Variants in ETV1 observed in about 807,000 individuals in gnomAD.
The protein encoded by ETV1 is ETS variant transcription factor 1.
In ETV1, 27 loss-of-function variants were observed where a neutral mutation model predicts 62.3. The ratio of observed to expected loss-of-function variants is 0.43; its 90% CI spans 0.32 to 0.60. The LOEUF (loss-of-function observed/expected upper bound fraction) is 0.60, where lower values mean the gene tolerates loss of function less well. Ranked by LOEUF, ETV1 falls within the 20% of genes least tolerant of loss-of-function variation. The pLI is 0.06. For synonymous variants in ETV1, 222 were observed against 199.6 expected (o/e 1.11, Z -0.94); for missense variants, 605 against 605.8 (o/e 1.00, Z 0.01).
intron 9 of ETV1, among the ~76,000 whole-genome samples, chr7:13,929,204 G>T (rs193172153): frequency 6.6e-6 from 1 of 152,010 alleles, no homozygotes. Context: ...TGTATTGCAG[G>T]GTTCTTAATT....
chr7:13,988,899 A>G, intron 3 of ETV1, 109 bp downstream of exon 3: 1 of 1,526,178 alleles, frequency 6.6e-7, no homozygotes, highest in South Asian at 1.2e-5. Flanking sequence ...CAAAGCAGAT[A>G]AGTATCTGCA....
At chr7:13,934,756 C>G (rs76653357) in intron 8 of ETV1, among the ~76,000 whole-genome samples, 8,332 of 152,228 alleles carry the variant, frequency 0.055, 683 homozygotes, top group African/African-American at 0.18. Flanking sequence ...CTACATTACG[C>G]TGTGCTATTG....
intron 12 of ETV1, 49 bp downstream of exon 12, chr7:13,906,381 T>C: frequency 8.0e-7 from 1 of 1,247,884 alleles, no homozygotes; most frequent in Non-Finnish European, 1.1e-6. Context: ...GTCAGTTTCT[T>C]TATGTTATAA....
intron 6 of ETV1, among the ~76,000 whole-genome samples, chr7:13,957,416 C>T (rs991953978): frequency 2.0e-5 from 3 of 152,118 alleles, no homozygotes; most frequent in African/African-American, 7.2e-5. Context: ...ATGGTGGCAT[C>T]AAGCCCATTT....
At chr7:13,928,784 C>T (rs997860599) in intron 9 of ETV1, among the ~76,000 whole-genome samples, 62 of 152,024 alleles carry the variant, frequency 4.1e-4, no homozygotes, top group African/African-American at 1.2e-4. Flanking sequence ...ATGGTGAAAC[C>T]CCGTCTCTAC....
chr7:13,917,022 G>A (rs1482129029), intron 9 of ETV1, among the ~76,000 whole-genome samples: 1 of 151,738 alleles, frequency 6.6e-6, no homozygotes, highest in African/African-American at 2.4e-5. Flanking sequence ...CTGAATTTAC[G>A]TGCTTTTGAA....
intron 11 of ETV1, chr7:13,907,754 T>G (rs1476824957): frequency 2.2e-6 from 1 of 460,288 alleles, no homozygotes; most frequent in African/African-American, 2.0e-5. Context: ...TAAGTGTGCA[T>G]TATAAAATAG....
At chr7:13,934,542 G>C (rs1786565510) in intron 8 of ETV1, among the ~76,000 whole-genome samples, 1 of 152,136 alleles carries the variant, frequency 6.6e-6, no homozygotes, top group African/African-American at 2.4e-5. Flanking sequence ...CTGACTTATT[G>C]TCAAACTTGC....
At chr7:13,980,773 C>G (rs912479236) in intron 5 of ETV1, among the ~76,000 whole-genome samples, 6 of 152,002 alleles carry the variant, frequency 3.9e-5, no homozygotes, top group Non-Finnish European at 7.4e-5. Context: ...GATTATTATC[C>G]AAAGTTGTTT....
At chr7:13,921,348 T>G (rs6957019) in intron 9 of ETV1, among the ~76,000 whole-genome samples, 25,744 of 152,180 alleles carry the variant, frequency 0.17, 2,771 homozygotes, top group African/African-American at 0.31. Context: ...AGAGTTTTTA[T>G]GGAGAGGAAG....
chr7:13,980,950 T>A (rs1034374098), intron 5 of ETV1, among the ~76,000 whole-genome samples: 1 of 146,482 alleles, frequency 6.8e-6, no homozygotes, highest in Non-Finnish European at 1.5e-5. Flanking sequence ...AAATATAGCT[T>A]GCCTTTATGT....
intron 8 of ETV1, among the ~76,000 whole-genome samples, chr7:13,932,446 C>T (rs1786297583): frequency 6.6e-6 from 1 of 152,108 alleles, no homozygotes; most frequent in African/African-American, 2.4e-5. Flanking sequence ...AATACAGTAT[C>T]AGGTTGATAA....
chr7:13,915,599 G>T (rs530358263), intron 9 of ETV1, among the ~76,000 whole-genome samples: 2 of 152,244 alleles, frequency 1.3e-5, no homozygotes, highest in East Asian at 3.9e-4. Context: ...AGGATGCATA[G>T]ATTACCTGAG....
rs1781708429 is a variant in ETV1 at position 13,895,761 on chromosome 7, A to AAAATAAAATACAAACAACAG, written c.*85_*104dup. ...GCCCCTTTTTGTGTATTATTATTTAAAAATAAAATACAAACAACAGAAATA... is the reference window on the plus strand; with the variant it reads ...GCCCCTTTTTGTGTATTATTATTTAAAAATAAAATACAAACAACAGAAATAAAATACAAACAACAGAAATA... On this transcript the variant is annotated 3_prime_UTR_variant, in exon 14 of 14. Coordinates refer to ENST00000430479, the MANE Select transcript of ETV1 (RefSeq NM_004956.5). 2 of 808,444 alleles carry AAAATAAAATACAAACAACAG rather than the reference A, an allele frequency of 2.5e-6. No individual in the cohort carries two copies. The highest frequency in any genetic ancestry group is 4.0e-6 in the Non-Finnish European group (2 of 503,616). The allele number at this position is 808,444 out of a possible 1,614,324, so 50.1% of individuals were successfully genotyped here.
chr7:13,937,212 T>C (rs997393296), intron 7 of ETV1, among the ~76,000 whole-genome samples: 6 of 152,252 alleles, frequency 3.9e-5, no homozygotes, highest in Admixed American at 3.9e-4. Context: ...AAGGAATATA[T>C]GCTGCACAAG....
intron 12 of ETV1, 136 bp from the exon 13 acceptor site, chr7:13,900,975 C>T (rs946073211): frequency 2.5e-5 from 13 of 511,886 alleles, no homozygotes; most frequent in African/African-American, 4.0e-5. Flanking sequence ...CAAGAGCTAT[C>T]GTAATCTGGA....
At chr7:13,924,041 A>C (rs1191956569) in intron 9 of ETV1, among the ~76,000 whole-genome samples, 1 of 152,100 alleles carries the variant, frequency 6.6e-6, no homozygotes, top group African/African-American at 2.4e-5. Context: ...GTCTCAAAAA[A>C]AAAATTAAAA....
chr7:13,990,522 T>C (rs1211255364), upstream of ETV1: 1 of 152,408 alleles, frequency 6.6e-6, no homozygotes, highest in South Asian at 2.1e-4. Context: ...GCTTTTGTTA[T>C]GTATACACGG....
Position 13,956,663 on chromosome 7 carries a change from T to C in ETV1, c.236-17417A>G, listed in dbSNP as rs960360068. On this transcript the variant is annotated intron_variant, in intron 6 of 13. Coordinates refer to ENST00000430479, the MANE Select transcript of ETV1 (RefSeq NM_004956.5). The stretch of plus-strand genomic sequence containing the variant: ...GAAAATCTCAGCATGGAAGCAATAA[T>C]ACTTGAACATTACAAATCTTTTTAC... 7.2e-5 allele frequency among the ~76,000 whole-genome samples: 11 copies of C among 152,328 alleles called. No individual in the cohort carries two copies. The East Asian group carries it at 2.1e-3, about 29-fold the overall frequency.
Sources: gnomAD v4.1 joint callset for allele counts (sites outside exome capture counted in the v4.1 genomes callset) on GRCh38, gnomAD v4.1.1 for gene constraint, MANE v1.5 for transcripts, NCBI Gene and HGNC (gene_info 2026-07-23, HGNC 2026-07-21) for gene names.